The following ZGPAT variants were observed in gnomAD, a reference collection of about 807,000 sequenced individuals.
ZGPAT encodes the protein zinc finger CCCH-type and G-patch domain containing.
ZGPAT carries 39 observed loss-of-function variants against 47.9 expected under a neutral mutation model. The ratio of observed to expected loss-of-function variants is 0.81; its 90% CI spans 0.63 to 1.06. ZGPAT has a LOEUF of 1.06. Ranked by LOEUF, ZGPAT falls within the 50% of genes least tolerant of loss-of-function variation. The pLI, the probability that ZGPAT is intolerant of heterozygous loss-of-function variation, is 0.00. For synonymous variants in ZGPAT, 348 were observed against 292.9 expected (o/e 1.19, Z -1.92); for missense variants, 717 against 681.4 (o/e 1.05, Z -0.58).
At chr20:63,731,962 A>G (rs2091909132) in intron 2 of ZGPAT, among the ~76,000 whole-genome samples, 1 of 152,212 alleles carries the variant, frequency 6.6e-6, no homozygotes, top group African/African-American at 2.4e-5. Context: ...ATGTCATTAT[A>G]TATAAGGGAC....
intron 5 of ZGPAT, 167 bp from the exon 6 acceptor site, chr20:63,734,992 C>A: frequency 7.5e-7 from 1 of 1,327,126 alleles, no homozygotes. Flanking sequence ...GGCCACAGCA[C>A]TGCCATCCCC....
At chr20:63,734,498 A>G (rs1191935488) in intron 4 of ZGPAT, 10 of 982,642 alleles carry the variant, frequency 1.0e-5, no homozygotes, top group South Asian at 1.6e-5. Context: ...TCACATGCCC[A>G]CAGCAGCCTC....
Position 63,708,848 on chromosome 20 carries a change from G to A in ZGPAT, c.268G>A (p.Val90Met). 2 of 1,607,014 alleles carry A rather than the reference G, an allele frequency of 1.2e-6. No individual in the cohort carries two copies. Among genetic ancestry groups the A allele is most frequent in the Admixed American group, 1.7e-5 (1 of 59,762 alleles). ...QAFREAITEA[V>M]EAPAAARGSG... is the part of the protein sequence containing the mutation. ...TTTCCGGGAGGCCATCACTGAGGCG[G>A]TGGAGGCACCAGCAGCGGCCCGTGG... The change falls in exon 2 of 7, where the codon GTG (valine) becomes ATG (methionine). Residue 90 changes from valine to methionine, a missense_variant. Transcript: ENST00000355969.
chr20:63,731,700 G>A (rs558783518), intron 2 of ZGPAT, among the ~76,000 whole-genome samples: 2 of 145,568 alleles, frequency 1.4e-5, no homozygotes, highest in Admixed American at 1.4e-4. Context: ...AGTACAGTTG[G>A]CCCTTTGTGT....
rs541663639 is a variant in ZGPAT at position 63,708,235 on chromosome 20, G to A, written c.-29+117G>A. 271 of 160,378 alleles carry A rather than the reference G, an allele frequency of 1.7e-3. 1 individual carries two copies. Among genetic ancestry groups the A allele is most frequent in the African/African-American group, 6.1e-3 (256 of 41,856 alleles). 9.9% of individuals were successfully genotyped at this position (160,378 alleles called of 1,614,324 possible). On this transcript the variant is annotated intron_variant, in intron 1 of 6. Coordinates refer to ENST00000355969, the MANE Select transcript of ZGPAT (RefSeq NM_181485.3). ...GCGGCCCTGGCCAGACAGAAGAGAC[G>A]CCGGGCGGGGGGGCGCGGCCGGCCT...
chr20:63,726,007 T>G (rs1015197559), intron 2 of ZGPAT, among the ~76,000 whole-genome samples: 2 of 151,296 alleles, frequency 1.3e-5, no homozygotes, highest in Admixed American at 1.3e-4. Flanking sequence ...CCCAGCTAAT[T>G]TTTGTATTTA....
chr20:63,733,008 A>ATG (rs751961713), intron 2 of ZGPAT, among the ~76,000 whole-genome samples: 1 of 143,528 alleles, frequency 7.0e-6, no homozygotes, highest in South Asian at 2.2e-4. Flanking sequence ...GTATATGTGC[A>ATG]TGTGTGTATG....
intron 2 of ZGPAT, among the ~76,000 whole-genome samples, chr20:63,720,748 C>G (rs1229798324): frequency 6.6e-6 from 1 of 152,202 alleles, no homozygotes; most frequent in Admixed American, 6.5e-5. Flanking sequence ...GCCACCGCAC[C>G]CGGCCTGTTA....
At chr20:63,734,471 A>T in intron 4 of ZGPAT, 2 of 749,666 alleles carry the variant, frequency 2.7e-6, no homozygotes, top group Non-Finnish European at 2.2e-6. Flanking sequence ...GGGGACTGCC[A>T]TGCACTCTGC....
chr20:63,708,543 C>T lies in ZGPAT; in HGVS notation c.-28-10C>T, dbSNP rs1160660693. The T allele has an allele frequency of 2.0e-6, 3 of 1,537,370 alleles. No homozygotes were observed. The highest frequency in any genetic ancestry group is 2.3e-5 in the East Asian group (1 of 43,870). On this transcript the variant is annotated splice_polypyrimidine_tract_variant and intron_variant, in intron 1 of 6. Transcript: ENST00000355969. Reference sequence around the variant, plus strand: ...GAGACGCGGGGCTCAGCTGGCTTCTCTTCTTGCAGCCCTGGTCCAGCGCCT... The same window carrying T: ...GAGACGCGGGGCTCAGCTGGCTTCTTTTCTTGCAGCCCTGGTCCAGCGCCT...
In ZGPAT at chr20:63,733,694, T is replaced by A; in HGVS notation, c.826T>A (p.Ser276Thr). The A allele has an allele frequency of 1.2e-6, 2 of 1,613,328 alleles. No individual in the cohort carries two copies. Among genetic ancestry groups the A allele is most frequent in the Non-Finnish European group, 1.7e-6 (2 of 1,179,872 alleles). ...CCCACTGCGCACAGAGGCCACAGAGTCCGACTCAGACAGCGACGGTACGGG... is the reference window on the plus strand; with the variant it reads ...CCCACTGCGCACAGAGGCCACAGAGACCGACTCAGACAGCGACGGTACGGG... The part of the protein sequence containing the change: ...LPPLRTEATE[S>T]DSDSDGTGDS... Residue 276 changes from serine (S) to threonine (T), a missense_variant, in exon 4 of 7, where the codon TCC (serine) becomes ACC (threonine). Ser to Thr is a moderately conservative substitution (Grantham distance 58). Transcript: ENST00000355969.
chr20:63,713,321 C>G (rs2145642783), intron 2 of ZGPAT, among the ~76,000 whole-genome samples: 1 of 151,852 alleles, frequency 6.6e-6, no homozygotes, highest in East Asian at 2.0e-4. Flanking sequence ...AGCTCCACCT[C>G]CCGGGTTCAC....
At chr20:63,716,050 A>G (rs2091725247) in intron 2 of ZGPAT, among the ~76,000 whole-genome samples, 1 of 152,122 alleles carries the variant, frequency 6.6e-6, no homozygotes, top group Admixed American at 6.5e-5. Flanking sequence ...TTCTTGAGTC[A>G]GTTTGGTCTC....
intron 2 of ZGPAT, among the ~76,000 whole-genome samples, chr20:63,711,516 T>C (rs367692824): frequency 3.3e-5 from 5 of 152,178 alleles, no homozygotes; most frequent in African/African-American, 1.2e-4. Context: ...GCATCAGGCC[T>C]GATCTGAAAG....
In ZGPAT at chr20:63,732,984, CTGTA is replaced by C. The variant is rs548611653; in HGVS notation, c.585-231_585-228del. On this transcript the variant is annotated intron_variant, in intron 2 of 6. Coordinates refer to ENST00000355969, the MANE Select transcript of ZGPAT (RefSeq NM_181485.3). The stretch of plus-strand genomic sequence containing the variant: ...TGTGAGTGTATGTGTGCATGTGTAT[CTGTA>C]TGTGCGTGTGTATATGTGCATGTGT... 1.6e-3 allele frequency among the ~76,000 whole-genome samples: 235 copies of C among 149,972 alleles called. 1 individual carries two copies. Among genetic ancestry groups the C allele is most frequent in the African/African-American group, 5.6e-3 (226 of 40,692 alleles).
intron 2 of ZGPAT, among the ~76,000 whole-genome samples, chr20:63,732,596 T>C (rs1197125379): frequency 2.0e-5 from 3 of 148,964 alleles, no homozygotes; most frequent in Non-Finnish European, 4.5e-5. Flanking sequence ...AGTGCATGTT[T>C]ATACGCGTGT....
At chr20:63,720,358 T>A (rs968002444) in intron 2 of ZGPAT, among the ~76,000 whole-genome samples, 2 of 152,024 alleles carry the variant, frequency 1.3e-5, no homozygotes, top group Admixed American at 1.3e-4. Context: ...GGTTTTGCCG[T>A]GTTAGCCAGG....
At chr20:63,731,287 T>A (rs1257979295) in intron 2 of ZGPAT, among the ~76,000 whole-genome samples, 1 of 142,802 alleles carries the variant, frequency 7.0e-6, no homozygotes, top group Non-Finnish European at 1.6e-5. Flanking sequence ...GTGTGTGATG[T>A]GTGTGAGACT....
chr20:63,732,382 ATGTGTGTGGGTGAGGGCCTGTGTGTG>A (rs2091918806), intron 2 of ZGPAT, among the ~76,000 whole-genome samples: 1 of 132,974 alleles, frequency 7.5e-6, no homozygotes, highest in Non-Finnish European at 1.5e-5. Flanking sequence ...GTGTGCGCGC[ATGTGTGTGGGTGAGGGCCTGTGTGTG>A]CGTGTGTGTG....
Sources: allele counts gnomAD v4.1 joint callset (sites outside exome capture counted in the v4.1 genomes callset), GRCh38; gene constraint gnomAD v4.1.1; transcripts MANE v1.5; gene names NCBI Gene and HGNC (gene_info 2026-07-23, HGNC 2026-07-21).